The following PDLIM1 variants were observed in gnomAD, a reference collection of about 807,000 sequenced individuals.
The protein encoded by PDLIM1 is PDZ and LIM domain protein 1.
PDLIM1 carries 25 observed loss-of-function variants against 35.2 expected under a neutral mutation model. The ratio of observed to expected loss-of-function variants is 0.71; its 90% CI spans 0.52 to 0.99. The LOEUF (loss-of-function observed/expected upper bound fraction) is 0.99. Ranked by LOEUF, PDLIM1 falls within the 50% of genes least tolerant of loss-of-function variation. The pLI, the probability that PDLIM1 is intolerant of heterozygous loss-of-function variation, is 0.00. For missense variants in PDLIM1, 363 were observed against 415.3 expected (o/e 0.87, Z 1.09); for synonymous variants, 152 against 154.0 (o/e 0.99, Z 0.10).
chr10:95,270,030 C>G lies in PDLIM1; in HGVS notation c.249-1168G>C, dbSNP rs570314086. On this transcript the variant is annotated intron_variant, in intron 2 of 6. Transcript: ENST00000329399. ...GGGATTACAGACTAGAGCCACCATA[C>G]CTGGCCATACTTAACTTTATATTTG... 7.2e-5 allele frequency among the ~76,000 whole-genome samples: 11 copies of G among 152,272 alleles called. No homozygotes were observed. The South Asian group carries it at 2.1e-3, about 29-fold the overall frequency.
Position 95,237,929 on chromosome 10 carries a change from T to C in PDLIM1, c.986A>G (p.Lys329Arg). 2 of 1,613,834 alleles carry C rather than the reference T, an allele frequency of 1.2e-6. No homozygotes were observed. Among genetic ancestry groups the C allele is most frequent in the South Asian group, 2.2e-5 (2 of 91,028 alleles). Residue 329 changes from lysine to arginine, a missense_variant, in exon 7 of 7, where the codon AAG (lysine) becomes AGG (arginine). Coordinates refer to ENST00000329399, the MANE Select transcript of PDLIM1 (RefSeq NM_020992.4). ...ACAGTGGTCAGATCTGCTGGCTCAC[T>C]TGGGGAACACAGTGACCACTTCATA... ...EGYEVVTVFP[K>R]
At chr10:95,288,551 G>GA (rs1564608089) in intron 1 of PDLIM1, among the ~76,000 whole-genome samples, 2 of 67,152 alleles carry the variant, frequency 3.0e-5, no homozygotes, top group Admixed American at 1.4e-4. Flanking sequence ...CCCCACTGCA[G>GA]AGGTTTTTTT....
chr10:95,242,890 T>G (rs1410586207), intron 5 of PDLIM1, among the ~76,000 whole-genome samples: 1 of 152,134 alleles, frequency 6.6e-6, no homozygotes. Context: ...CATCTCTACA[T>G]ACCTGGGCAG....
chr10:95,270,298 C>G (rs1589515925), intron 2 of PDLIM1, among the ~76,000 whole-genome samples: 1 of 151,756 alleles, frequency 6.6e-6, no homozygotes, highest in Non-Finnish European at 1.5e-5. Flanking sequence ...TATATACTCC[C>G]CCACACTCGA....
intron 1 of PDLIM1, among the ~76,000 whole-genome samples, chr10:95,275,065 G>A (rs760070437): frequency 4.6e-5 from 7 of 152,172 alleles, no homozygotes; most frequent in African/African-American, 9.7e-5. Context: ...AGTTACTCCT[G>A]TAAATAACAC....
chr10:95,250,964 C>T (rs1419923496), intron 4 of PDLIM1, among the ~76,000 whole-genome samples: 2 of 152,192 alleles, frequency 1.3e-5, no homozygotes, highest in Non-Finnish European at 1.5e-5. Context: ...CACAGCCAGG[C>T]GTAGGAGGAT....
At chr10:95,279,506 C>G (rs908637328) in intron 1 of PDLIM1, among the ~76,000 whole-genome samples, 2 of 152,178 alleles carry the variant, frequency 1.3e-5, no homozygotes, top group African/African-American at 4.8e-5. Flanking sequence ...AACCCCAACT[C>G]TAACGCTTTT....
intron 2 of PDLIM1, among the ~76,000 whole-genome samples, 172 bp from the exon 3 acceptor site, chr10:95,269,034 A>T (rs2035439904): frequency 1.3e-5 from 2 of 152,138 alleles, no homozygotes; most frequent in African/African-American, 4.8e-5. Flanking sequence ...CCCCAATCTG[A>T]TAACATCCAT....
intron 6 of PDLIM1, 60 bp from the exon 7 acceptor site, chr10:95,238,171 G>C: frequency 3.4e-6 from 5 of 1,478,894 alleles, no homozygotes; most frequent in Non-Finnish European, 3.7e-6. Context: ...GGTGGCACCT[G>C]AGCAGGTGGC....
At chr10:95,273,385 T>G (rs2035481326) in intron 1 of PDLIM1, 1 of 152,202 alleles carries the variant, frequency 6.6e-6, no homozygotes, top group Non-Finnish European at 1.5e-5. Flanking sequence ...AACCTCAGTA[T>G]CTGATGCAGT....
chr10:95,246,443 C>T (rs189849773), intron 5 of PDLIM1, among the ~76,000 whole-genome samples: 1 of 152,308 alleles, frequency 6.6e-6, no homozygotes, highest in Admixed American at 6.5e-5. Context: ...CTGAGACCTG[C>T]AGAACCCTAC....
chr10:95,269,838 C>T (rs568341638), intron 2 of PDLIM1, among the ~76,000 whole-genome samples: 6 of 152,080 alleles, frequency 3.9e-5, no homozygotes, highest in African/African-American at 1.2e-4. Context: ...CAGGCTCAAG[C>T]GATTCTCCCA....
chr10:95,241,705 C>T (rs537555570), intron 5 of PDLIM1, among the ~76,000 whole-genome samples: 148 of 152,316 alleles, frequency 9.7e-4, no homozygotes, highest in Non-Finnish European at 1.9e-3. Context: ...CAGGCAAAAG[C>T]ACTAAGGGCA....
At chr10:95,251,393 T>C (rs1292629062) in intron 4 of PDLIM1, among the ~76,000 whole-genome samples, 1 of 152,032 alleles carries the variant, frequency 6.6e-6, no homozygotes, top group Non-Finnish European at 1.5e-5. Flanking sequence ...GGCAACACGG[T>C]GAAACTCCTA....
chr10:95,263,357 T>C (rs1163150491), intron 4 of PDLIM1, among the ~76,000 whole-genome samples: 2 of 152,126 alleles, frequency 1.3e-5, no homozygotes, highest in East Asian at 3.9e-4. Flanking sequence ...CCTCTCTTCT[T>C]TCATGACCTC....
intron 1 of PDLIM1, among the ~76,000 whole-genome samples, chr10:95,283,672 C>T (rs1276641613): frequency 1.3e-5 from 2 of 152,110 alleles, no homozygotes; most frequent in Non-Finnish European, 2.9e-5. Flanking sequence ...TTATATTGTC[C>T]GATCTTTTAA....
intron 1 of PDLIM1, among the ~76,000 whole-genome samples, chr10:95,275,755 G>A (rs1486464400): frequency 6.6e-6 from 1 of 152,128 alleles, no homozygotes; most frequent in African/African-American, 2.4e-5. Flanking sequence ...CCAGCATTTG[G>A]TTCCAACTGT....
intron 1 of PDLIM1, 107 bp from the exon 2 acceptor site, chr10:95,271,891 G>A: frequency 3.1e-6 from 3 of 974,962 alleles, no homozygotes; most frequent in South Asian, 1.6e-5. Flanking sequence ...AAAAAGAAAA[G>A]AGGGCTGAAA....
At chr10:95,285,444 T>C (rs1589521391) in intron 1 of PDLIM1, among the ~76,000 whole-genome samples, 1 of 152,202 alleles carries the variant, frequency 6.6e-6, no homozygotes, top group African/African-American at 2.4e-5. Context: ...TTGACAGTTA[T>C]GGCTTATTAG....
Sources: allele counts gnomAD v4.1 joint callset (sites outside exome capture counted in the v4.1 genomes callset), GRCh38; gene constraint gnomAD v4.1.1; transcripts MANE v1.5; gene names NCBI Gene and HGNC (gene_info 2026-07-23, HGNC 2026-07-21).